PRDM16: variants seen among roughly 807,000 people sequenced by gnomAD.
PRDM16 encodes histone-lysine N-methyltransferase PRDM16.
PRDM16 carries 23 observed loss-of-function variants against 110.6 expected under a neutral mutation model. The observed-to-expected ratio is 0.21, with a 90% CI of 0.15 to 0.29. The LOEUF (loss-of-function observed/expected upper bound fraction) is 0.29, where lower values mean the gene tolerates loss of function less well. Among genes scored for constraint, PRDM16 ranks in the 10% least tolerant of loss-of-function variants. The pLI is 1.00. For missense variants in PRDM16, 1,615 were observed against 1,794.3 expected, an observed-to-expected ratio of 0.90 and a Z score of 1.81; for synonymous variants, 799 against 781.8, an observed-to-expected ratio of 1.02 and a Z score of -0.37.
At chr1:3,222,612 G>A (rs1639183342) in intron 2 of PRDM16, among the ~76,000 whole-genome samples, 1 of 152,200 alleles carries the variant, frequency 6.6e-6, no homozygotes, top group Admixed American at 6.5e-5. Flanking sequence ...TACCATGCAG[G>A]GGAGGGCCTG....
At position 3,370,987 on chromosome 1, in the gene PRDM16, A is replaced by G. The variant is rs12138292; in HGVS notation, c.439-14165A>G. Reference sequence around the variant, plus strand: ...GATTCATCCATTTGTCCATCCACCCACCGATCCACCATCTATTCATCCATC... The same window carrying G: ...GATTCATCCATTTGTCCATCCACCCGCCGATCCACCATCTATTCATCCATC... On this transcript the variant is annotated intron_variant, in intron 3 of 16. Coordinates refer to ENST00000270722, the MANE Select transcript of PRDM16 (RefSeq NM_022114.4). The surrounding 1 kb of genome is among the most constrained non-coding windows in gnomAD (Gnocchi z 4.8). Among the ~76,000 whole-genome samples the G allele has an allele frequency of 0.39, 57,416 of 146,084 alleles. 11,272 individuals carry two copies. Among genetic ancestry groups the G allele is most frequent in the East Asian group, 0.66 (3,153 of 4,742 alleles).
chr1:3,247,231 C>T (rs1300734733), intron 3 of PRDM16, among the ~76,000 whole-genome samples: 2 of 152,178 alleles, frequency 1.3e-5, no homozygotes, highest in Non-Finnish European at 2.9e-5. Flanking sequence ...ACTTCCTGTT[C>T]TTTATCTGCC....
chr1:3,285,985 G>C (rs556891860), intron 3 of PRDM16, among the ~76,000 whole-genome samples: 2 of 152,192 alleles, frequency 1.3e-5, no homozygotes, highest in Admixed American at 1.3e-4. Context: ...AACATTTGAC[G>C]AGCTCAATAA....
chr1:3,210,574 A>G (rs1184685282), intron 2 of PRDM16, among the ~76,000 whole-genome samples: 1 of 152,246 alleles, frequency 6.6e-6, no homozygotes, highest in Non-Finnish European at 1.5e-5. Flanking sequence ...AATATTTCCC[A>G]GACATGCTCT....
At chr1:3,156,141 C>T (rs1250452450) in intron 1 of PRDM16, among the ~76,000 whole-genome samples, 6 of 152,250 alleles carry the variant, frequency 3.9e-5, no homozygotes, top group African/African-American at 1.2e-4. Flanking sequence ...TAATATATCT[C>T]GTTGATTTCC....
chr1:3,335,880 T>C (rs956801484), intron 3 of PRDM16, among the ~76,000 whole-genome samples: 5 of 152,104 alleles, frequency 3.3e-5, no homozygotes, highest in Non-Finnish European at 7.4e-5. Flanking sequence ...TGCACTGAAG[T>C]GTGGGAGAGC....
intron 8 of PRDM16, among the ~76,000 whole-genome samples, chr1:3,408,576 GAGC>G (rs1421748260): frequency 6.6e-6 from 1 of 151,530 alleles, no homozygotes; most frequent in African/African-American, 2.4e-5. Flanking sequence ...GTGCGTGTGA[GAGC>G]GTGTGAGTGT....
rs756052934 is a variant in PRDM16 at position 3,069,247 on chromosome 1, G to A, written c.-13G>A. 2 of 1,576,230 alleles carry A rather than the reference G, an allele frequency of 1.3e-6. No homozygotes were observed. Among genetic ancestry groups the A allele is most frequent in the Admixed American group, 1.8e-5 (1 of 56,004 alleles). On this transcript the variant is annotated 5_prime_UTR_variant, in exon 1 of 17. Transcript: ENST00000270722. This position sits in a 1 kb window ranked among gnomAD's most constrained non-coding sequence, Gnocchi z 6.1. ...ACTCAAGGAGGAGGAGAGAGATTCC[G>A]CGAGCCGACACCATGCGATCCAAGG... is the stretch of plus-strand genomic sequence containing the variant.
chr1:3,372,755 A>T (rs540145410), intron 3 of PRDM16, among the ~76,000 whole-genome samples: 1 of 152,344 alleles, frequency 6.6e-6, no homozygotes, highest in Admixed American at 6.5e-5. Flanking sequence ...TTAATGTTTG[A>T]ACTATGGCAG....
intron 1 of PRDM16, among the ~76,000 whole-genome samples, chr1:3,072,770 G>A (rs1234112566): frequency 2.0e-5 from 3 of 152,236 alleles, no homozygotes; most frequent in East Asian, 1.9e-4. Flanking sequence ...GGAATCCAGC[G>A]TCTTGCCCCG....
chr1:3,162,170 C>T (rs930021916), intron 1 of PRDM16, among the ~76,000 whole-genome samples: 5 of 152,164 alleles, frequency 3.3e-5, no homozygotes, highest in Non-Finnish European at 5.9e-5. Flanking sequence ...GTTCAATATG[C>T]CCGGGCCACT....
chr1:3,422,984 C>T (rs550249013), intron 12 of PRDM16, among the ~76,000 whole-genome samples: 66 of 152,328 alleles, frequency 4.3e-4, no homozygotes, highest in South Asian at 1.9e-3. Context: ...AGGGTCACTT[C>T]GGGGAGCTCA....
intron 1 of PRDM16, among the ~76,000 whole-genome samples, chr1:3,185,579 C>T (rs1380770894): frequency 6.6e-6 from 1 of 152,210 alleles, no homozygotes; most frequent in African/African-American, 2.4e-5. Context: ...TGCAGGGAAG[C>T]AGCACTGAGC....
chr1:3,146,613 G>T (rs1643662415), intron 1 of PRDM16, among the ~76,000 whole-genome samples: 3 of 145,590 alleles, frequency 2.1e-5, no homozygotes, highest in African/African-American at 7.7e-5. Context: ...GCTCAGTGTG[G>T]GGGGTGTGTG....
At chr1:3,077,640 TG>T (rs1385377146) in intron 1 of PRDM16, among the ~76,000 whole-genome samples, 1 of 152,178 alleles carries the variant, frequency 6.6e-6, no homozygotes, top group Admixed American at 6.5e-5. Context: ...GGCAGTCAGA[TG>T]GGGAGTTTTG....
chr1:3,278,938 G>T lies in PRDM16; in HGVS notation c.438+34801G>T, dbSNP rs572831481. Among the ~76,000 whole-genome samples the T allele has an allele frequency of 3.3e-5, 5 of 152,340 alleles. 1 individual carries two copies. The South Asian group carries it at 1.0e-3, about 32-fold the overall frequency. On this transcript the variant is annotated intron_variant, in intron 3 of 16. Coordinates refer to ENST00000270722, the MANE Select transcript of PRDM16 (RefSeq NM_022114.4). The stretch of plus-strand genomic sequence containing the variant: ...CATCCTCCCACGCTTCCCTCCGGCC[G>T]GCCCTGGAGATCCGTGGAGCCACAC...
At chr1:3,241,293 G>T (rs539636464) in intron 2 of PRDM16, among the ~76,000 whole-genome samples, 18 of 152,366 alleles carry the variant, frequency 1.2e-4, no homozygotes, top group African/African-American at 4.1e-4. Flanking sequence ...GGGCAGCTGG[G>T]GGGGCTCTGC....
At chr1:3,141,685 A>G (rs2817183) in intron 1 of PRDM16, among the ~76,000 whole-genome samples, 45,911 of 152,236 alleles carry the variant, frequency 0.3, 8,369 homozygotes, top group Non-Finnish European at 0.42. Flanking sequence ...AGGAGATGAT[A>G]CATTTTGTGG....
At position 3,190,155 on chromosome 1, in the gene PRDM16, GTTCAAGGTCGTGGGGCAGCCTTAC is replaced by G. The variant is rs1638262725; in HGVS notation, c.387+3701_387+3724del. Reference sequence around the variant, plus strand: ...CACGTGAGGCACCCACGAGCTTTGGGTTCAAGGTCGTGGGGCAGCCTTACTTCAAGGTCGTGGGGCAGCGTTACT... The same window carrying G: ...CACGTGAGGCACCCACGAGCTTTGGGTTCAAGGTCGTGGGGCAGCGTTACT... On this transcript the variant is annotated intron_variant, in intron 2 of 16. Transcript: ENST00000270722. The surrounding 1 kb of genome is among the most constrained non-coding windows in gnomAD (Gnocchi z 5.0). 2.6e-5 allele frequency among the ~76,000 whole-genome samples: 4 copies of G among 151,862 alleles called. No individual in the cohort carries two copies. The highest frequency in any genetic ancestry group is 6.6e-5 in the Admixed American group (1 of 15,256).
Sources: gnomAD v4.1 joint callset for allele counts (sites outside exome capture counted in the v4.1 genomes callset) on GRCh38, gnomAD v4.1.1 for gene constraint, Gnocchi (gnomAD v3.1) non-coding constraint, MANE v1.5 for transcripts, NCBI Gene and HGNC (gene_info 2026-07-23, HGNC 2026-07-21) for gene names.